Variants in POTEE observed in about 807,000 individuals in gnomAD.
POTEE encodes the protein POTE ankyrin domain family member E, also known as ANKRD26-like family C member 1A.
POTEE carries 21 observed loss-of-function variants against 74.2 expected under a neutral mutation model. That is an observed-to-expected ratio of 0.28 (90% CI 0.20 to 0.41). The LOEUF is 0.41. Among genes scored for constraint, POTEE ranks in the 10% least tolerant of loss-of-function variants. The pLI, the probability that POTEE is intolerant of heterozygous loss-of-function variation, is 1.00. For synonymous variants in POTEE, 211 were observed against 432.8 expected (o/e 0.49, Z 6.36); for missense variants, 525 against 1,158.6 (o/e 0.45, Z 7.94).
chr2:131,211,731 T>C (rs941202303), intron 2 of POTEE, among the ~76,000 whole-genome samples: 1 of 151,416 alleles, frequency 6.6e-6, no homozygotes, highest in African/African-American at 2.4e-5. Context: ...TTTATTTTTG[T>C]ATTTTTAGTA....
At chr2:131,224,983 T>C (rs1051232686) in intron 6 of POTEE, among the ~76,000 whole-genome samples, 1 of 152,118 alleles carries the variant, frequency 6.6e-6, no homozygotes, top group Admixed American at 6.5e-5. Context: ...CCTGTTCTTC[T>C]CTTACCGGGG....
At chr2:131,219,829 C>G (rs898293632) in intron 4 of POTEE, among the ~76,000 whole-genome samples, 6 of 151,968 alleles carry the variant, frequency 3.9e-5, no homozygotes, top group African/African-American at 1.4e-4. Context: ...TTAAATTACA[C>G]ATGCTGTCTT....
At chr2:131,232,843 A>C (rs1701006876) in intron 9 of POTEE, among the ~76,000 whole-genome samples, 1 of 151,834 alleles carries the variant, frequency 6.6e-6, no homozygotes. Flanking sequence ...ACAACACAAC[A>C]TCGCAAGGGC....
At chr2:131,224,765 G>A (rs1334034999) in intron 6 of POTEE, among the ~76,000 whole-genome samples, 1 of 150,926 alleles carries the variant, frequency 6.6e-6, no homozygotes. Flanking sequence ...GGAGGCCTCT[G>A]AGGAACCAGA....
intron 3 of POTEE, 90 bp from the exon 4 acceptor site, chr2:131,218,220 G>A (rs1700495639): frequency 2.1e-6 from 2 of 951,566 alleles, no homozygotes; most frequent in African/African-American, 3.5e-5. Flanking sequence ...TCGGGTGGGT[G>A]TGGGTTTTCC....
In POTEE at chr2:131,228,076, C is replaced by T. The variant is rs1251232828; in HGVS notation, c.918-168C>T. 8.2e-3 allele frequency among the ~76,000 whole-genome samples: 1,208 copies of T among 147,022 alleles called. 1 individual carries two copies. The highest frequency in any genetic ancestry group is 0.018 in the Middle Eastern group (5 of 282). On this transcript the variant is annotated intron_variant, in intron 7 of 17. Coordinates refer to ENST00000683005, the MANE Select transcript of POTEE (RefSeq NM_001083538.3). ...TTTTTTTTGGTCCCTTCCTTTTAACCTTGGTGGCATTTTACAAAGATGAAC... is the reference window on the plus strand; with the variant it reads ...TTTTTTTTGGTCCCTTCCTTTTAACTTTGGTGGCATTTTACAAAGATGAAC...
chr2:131,234,091 T>C (rs967112550), intron 9 of POTEE, among the ~76,000 whole-genome samples: 1 of 150,566 alleles, frequency 6.6e-6, no homozygotes, highest in African/African-American at 2.5e-5. Context: ...AAGTTGATGA[T>C]AAATGTCCAT....
At chr2:131,235,516 A>G (rs1026747032) in intron 9 of POTEE, among the ~76,000 whole-genome samples, 38 of 152,046 alleles carry the variant, frequency 2.5e-4, no homozygotes, top group African/African-American at 8.9e-4. Flanking sequence ...AAAAATAAGG[A>G]CAAGTGTGGT....
At chr2:131,235,324 C>T (rs532441485) in intron 9 of POTEE, among the ~76,000 whole-genome samples, 2 of 152,224 alleles carry the variant, frequency 1.3e-5, no homozygotes, top group African/African-American at 2.4e-5. Flanking sequence ...CAAGACTGTC[C>T]TCTGCAGTCT....
chr2:131,262,599 G>T (rs1385160413), intron 17 of POTEE, among the ~76,000 whole-genome samples: 1 of 147,368 alleles, frequency 6.8e-6, no homozygotes, highest in Non-Finnish European at 1.5e-5. Context: ...AGAAGTAAGT[G>T]TGGTTTTGTG....
chr2:131,219,692 G>C (rs1431130608), intron 4 of POTEE, among the ~76,000 whole-genome samples: 3 of 151,646 alleles, frequency 2.0e-5, no homozygotes. Flanking sequence ...AGCAGAGATA[G>C]TGCCACCGCA....
At chr2:131,231,526 A>G (rs987814430) in intron 9 of POTEE, among the ~76,000 whole-genome samples, 2 of 152,088 alleles carry the variant, frequency 1.3e-5, no homozygotes, top group Non-Finnish European at 2.9e-5. Flanking sequence ...ACAAAAGAAC[A>G]CTGAAGCACA....
At chr2:131,248,831 C>T (rs1230662773) in intron 13 of POTEE, among the ~76,000 whole-genome samples, 6 of 150,892 alleles carry the variant, frequency 4.0e-5, no homozygotes, top group African/African-American at 1.2e-4. Flanking sequence ...GAAGGCAGCA[C>T]AGCAAATTCG....
At chr2:131,256,898 A>T (rs1418121382) in intron 16 of POTEE, among the ~76,000 whole-genome samples, 1 of 152,312 alleles carries the variant, frequency 6.6e-6, no homozygotes, top group African/African-American at 2.4e-5. Context: ...GGAACATACC[A>T]GGGATGCTCT....
Position 131,211,093 on chromosome 2 carries a change from T to C in POTEE, c.-279T>C, listed in dbSNP as rs1445464835. 6.6e-6 allele frequency among the ~76,000 whole-genome samples: 1 copy of C among 151,404 alleles called. No homozygotes were observed. Among genetic ancestry groups the C allele is most frequent in the African/African-American group, 2.5e-5 (1 of 40,752 alleles). Reference sequence around the variant, plus strand: ...TGGAGGAGGAGGAGAAGGAATCACCTGTGGTACGCTGGAGCCTGCATGTGG... The same window carrying C: ...TGGAGGAGGAGGAGAAGGAATCACCCGTGGTACGCTGGAGCCTGCATGTGG... On this transcript the variant is annotated 5_prime_UTR_variant, in exon 2 of 18. Transcript: ENST00000683005.
In POTEE at chr2:131,210,017, G is replaced by T. The variant is rs1417910855; in HGVS notation, c.-345+198G>T. On this transcript the variant is annotated intron_variant, in intron 1 of 17. Coordinates refer to ENST00000683005, the MANE Select transcript of POTEE (RefSeq NM_001083538.3). ...ACTGCCCGTGGTGGCGGGGGTGGTG[G>T]GGGGGAGGCAGGTTGTGTGCACTAA... is the stretch of plus-strand genomic sequence containing the variant. 4.7e-4 allele frequency among the ~76,000 whole-genome samples: 53 copies of T among 113,570 alleles called. No individual in the cohort carries two copies. The East Asian group carries it at 0.01, about 22-fold the overall frequency. The allele number at this position is 113,570 out of a possible 152,430, so 74.5% of individuals were successfully genotyped here.
intron 10 of POTEE, among the ~76,000 whole-genome samples, chr2:131,237,803 G>T (rs1487641737): frequency 6.6e-6 from 1 of 152,294 alleles, no homozygotes; most frequent in African/African-American, 2.4e-5. Flanking sequence ...CTCTTTTCAA[G>T]TGAGGAAGGT....
At chr2:131,211,561 T>TCC (rs1455034771) in intron 2 of POTEE, among the ~76,000 whole-genome samples, 1 of 94,216 alleles carries the variant, frequency 1.1e-5, no homozygotes, top group Non-Finnish European at 2.3e-5. Context: ...TTTTTTTTTT[T>TCC]TTTTTTTTTG....
chr2:131,217,792 G>A (rs1476561401), intron 3 of POTEE, among the ~76,000 whole-genome samples, 109 bp downstream of exon 3: 1 of 148,584 alleles, frequency 6.7e-6, no homozygotes, highest in Non-Finnish European at 1.5e-5. Flanking sequence ...GCACGCGCAC[G>A]CCCGGCAGCA....
Sources: allele counts gnomAD v4.1 joint callset (sites outside exome capture counted in the v4.1 genomes callset), GRCh38; gene constraint gnomAD v4.1.1; transcripts MANE v1.5; gene names NCBI Gene and HGNC (gene_info 2026-07-23, HGNC 2026-07-21).